Variants in RPL38 observed in about 807,000 individuals in gnomAD.
RPL38 encodes the protein ribosomal protein L38, also known as large ribosomal subunit protein eL38.
In RPL38, 2 loss-of-function variants were observed where a neutral mutation model predicts 12.8. The observed-to-expected ratio is 0.16, with a 90% confidence interval of 0.06 to 0.49. The LOEUF (loss-of-function observed/expected upper bound fraction) is 0.49. Among genes scored for constraint, RPL38 ranks in the 20% least tolerant of loss-of-function variants. RPL38 has a pLI of 0.96. For missense variants in RPL38, 52 were observed against 79.8 expected, an observed-to-expected ratio of 0.65 and a Z score of 1.33; for synonymous variants, 42 against 30.1, an observed-to-expected ratio of 1.39 and a Z score of -1.29.
chr17:74,204,213 C>A (rs752013582), intron 3 of RPL38, 23 bp downstream of exon 3: 1 of 1,611,986 alleles, frequency 6.2e-7, no homozygotes, highest in Non-Finnish European at 8.5e-7. Flanking sequence ...TCCGAAGGTT[C>A]AAGAAGAGCG....
At position 74,204,125 on chromosome 17, in the gene RPL38, T is replaced by C. The variant is rs1293384444; in HGVS notation, c.4-5T>C. On this transcript the variant is annotated splice_region_variant and splice_polypyrimidine_tract_variant and intron_variant, in intron 2 of 4. Coordinates refer to ENST00000311111, the MANE Select transcript of RPL38 (RefSeq NM_000999.4). The stretch of plus-strand genomic sequence containing the variant: ...CTCTGTTCACCCGCTTCCTTTGTGT[T>C]GCAGCCTCGGAAAATTGAGGAAATC... 2 of 1,614,200 alleles carry C rather than the reference T, an allele frequency of 1.2e-6. No homozygotes were observed. The highest frequency in any genetic ancestry group is 1.7e-6 in the Non-Finnish European group (2 of 1,180,028).
At position 74,204,251 on chromosome 17, in the gene RPL38, C is replaced by A. The variant is rs776891122; in HGVS notation, c.64+61C>A. The A allele has an allele frequency of 8.8e-6, 13 of 1,476,210 alleles. No homozygotes were observed. The East Asian group carries it at 2.5e-4, about 28-fold the overall frequency. The allele number at this position is 1,476,210 out of a possible 1,614,324, so 91.4% of individuals were successfully genotyped here. Reference sequence around the variant, plus strand: ...GCCTAGCCTGGCACCGCTCCGGGAGCGTCTTCCCCGGAATGTCAGGCAGGA... The same window carrying A: ...GCCTAGCCTGGCACCGCTCCGGGAGAGTCTTCCCCGGAATGTCAGGCAGGA... On this transcript the variant is annotated intron_variant, in intron 3 of 4. Coordinates refer to ENST00000311111, the MANE Select transcript of RPL38 (RefSeq NM_000999.4).
chr17:74,208,940 A>G (rs1238256039), intron 3 of RPL38, among the ~76,000 whole-genome samples: 1 of 152,152 alleles, frequency 6.6e-6, no homozygotes, highest in Non-Finnish European at 1.5e-5. Flanking sequence ...GTCTCAAAAA[A>G]CAAAGTAGAA....
chr17:74,208,894 C>T (rs924149519), intron 3 of RPL38, among the ~76,000 whole-genome samples: 4 of 152,116 alleles, frequency 2.6e-5, no homozygotes, highest in Admixed American at 1.3e-4. Flanking sequence ...CAAGATTGCG[C>T]CACTACACTC....
chr17:74,204,515 C>T, intron 3 of RPL38: 2 of 378,330 alleles, frequency 5.3e-6, no homozygotes, highest in Non-Finnish European at 9.8e-6. Context: ...CCCATAAACA[C>T]TGTTTAGGTT....
rs868745051 is a variant in RPL38, at chr17:74,209,551, C to T, written c.187+242C>T. The T allele has an allele frequency of 9.5e-5, 60 of 632,670 alleles. No individual in the cohort carries two copies. In the Admixed American group the frequency reaches 1.6e-3, roughly 17 times the overall value. The allele number at this position is 632,670 out of a possible 1,614,324, so 39.2% of individuals were successfully genotyped here. A position where few individuals can be genotyped will look rare whatever the true frequency, so the allele number is the denominator to read the frequency against. ...TCATTTAATCCTGTTCACGACCCTT[C>T]GAGGTTGGTGCTAGTACTGATAGTC... On this transcript the variant is annotated intron_variant, in intron 4 of 4. Transcript: ENST00000311111.
chr17:74,204,266 G>A (rs1357622997), intron 3 of RPL38, 76 bp downstream of exon 3: 1 of 1,380,670 alleles, frequency 7.2e-7, no homozygotes, highest in East Asian at 2.3e-5. Context: ...TCCCCGGAAT[G>A]TCAGGCAGGA....
At chr17:74,206,877 T>A (rs2050119864) in intron 3 of RPL38, among the ~76,000 whole-genome samples, 1 of 150,790 alleles carries the variant, frequency 6.6e-6, no homozygotes, top group Non-Finnish European at 1.5e-5. Context: ...CATGCCGGGC[T>A]AATTTTTTTT....
chr17:74,207,766 A>G (rs1212072027), intron 3 of RPL38, among the ~76,000 whole-genome samples: 1 of 152,138 alleles, frequency 6.6e-6, no homozygotes, highest in African/African-American at 2.4e-5. Context: ...TCAGCCTCCC[A>G]AAGTGCTGGG....
intron 3 of RPL38, among the ~76,000 whole-genome samples, chr17:74,206,772 G>A (rs2050118801): frequency 6.9e-6 from 1 of 144,870 alleles, no homozygotes; most frequent in Non-Finnish European, 1.5e-5. Flanking sequence ...GAGAGCAGTG[G>A]CGGAATCTCA....
chr17:74,209,749 A>T, intron 4 of RPL38, 55 bp from the exon 5 acceptor site: 1 of 1,507,766 alleles, frequency 6.6e-7, no homozygotes, highest in South Asian at 1.1e-5. Context: ...TTAGACAAGC[A>T]GCAGCAACTC....
At chr17:74,209,084 C>T in intron 3 of RPL38, 103 bp from the exon 4 acceptor site, 2 of 1,231,170 alleles carry the variant, frequency 1.6e-6, no homozygotes, top group Non-Finnish European at 2.3e-6. Context: ...GAGGTGGGTG[C>T]TGTCTCCTGC....
At chr17:74,208,067 G>A (rs1369021954) in intron 3 of RPL38, among the ~76,000 whole-genome samples, 1 of 152,162 alleles carries the variant, frequency 6.6e-6, no homozygotes, top group African/African-American at 2.4e-5. Flanking sequence ...CATCTTGTGT[G>A]CGTCTGCCAG....
At chr17:74,208,717 C>T (rs917560742) in intron 3 of RPL38, among the ~76,000 whole-genome samples, 8 of 152,200 alleles carry the variant, frequency 5.3e-5, no homozygotes, top group African/African-American at 1.9e-4. Context: ...CAGCGGATCA[C>T]GAGGTCCAGA....
At position 74,204,008 on chromosome 17, in the gene RPL38, C is replaced by T. The variant is rs1228952109; in HGVS notation, c.3+50C>T. On this transcript the variant is annotated intron_variant, in intron 2 of 4. Coordinates refer to ENST00000311111, the MANE Select transcript of RPL38 (RefSeq NM_000999.4). ...CTTCCCGGGGTGGGCTCGTGGGGCC[C>T]CGGGGCGAGGGCGAGAGAGCCTCCC... 6 of 1,613,078 alleles carry T rather than the reference C, an allele frequency of 3.7e-6. No homozygotes were observed. The South Asian group carries it at 4.4e-5, about 12-fold the overall frequency.
At chr17:74,204,439 C>G in intron 3 of RPL38, 1 of 533,394 alleles carries the variant, frequency 1.9e-6, no homozygotes, top group African/African-American at 1.9e-5. Context: ...GTTCAGTTTT[C>G]TTTCGTATAA....
At chr17:74,204,049 C>T (rs2050086705) in intron 2 of RPL38, 81 bp from the exon 3 acceptor site, 3 of 1,608,552 alleles carry the variant, frequency 1.9e-6, no homozygotes, top group African/African-American at 2.7e-5. Flanking sequence ...TCTCCTGAGG[C>T]CGGGAGAAGC....
intron 3 of RPL38, among the ~76,000 whole-genome samples, chr17:74,208,274 G>T (rs1443473426): frequency 6.6e-6 from 1 of 152,154 alleles, no homozygotes; most frequent in Admixed American, 6.5e-5. Context: ...TCCTGGGAAG[G>T]GGTTGTCTCA....
chr17:74,204,596 T>G (rs1030870064), intron 3 of RPL38: 2 of 257,976 alleles, frequency 7.8e-6, no homozygotes, highest in Admixed American at 5.1e-5. Context: ...GCATGTAATG[T>G]ATCGAGCACG....
Sources: gnomAD v4.1 joint callset for allele counts (sites outside exome capture counted in the v4.1 genomes callset) on GRCh38, gnomAD v4.1.1 for gene constraint, MANE v1.5 for transcripts, NCBI Gene and HGNC (gene_info 2026-07-23, HGNC 2026-07-21) for gene names.